Variants in EXPH5 observed in about 807,000 individuals in gnomAD.
EXPH5 encodes exophilin 5.
Under a neutral mutation model 41.1 loss-of-function variants are expected in EXPH5, and 42 were observed. The observed-to-expected ratio is 1.02, with a 90% CI of 0.80 to 1.32. The LOEUF is 1.32. EXPH5 is among the 40% of genes most tolerant of loss of function. The pLI, the probability that EXPH5 is intolerant of heterozygous loss-of-function variation, is 0.00. For synonymous variants in EXPH5, 798 were observed against 833.5 expected, an observed-to-expected ratio of 0.96 and a Z score of 0.73; for missense variants, 2,298 against 2,314.5, an observed-to-expected ratio of 0.99 and a Z score of 0.15.
chr11:108,540,187 G>T (rs2093904938), intron 2 of EXPH5, among the ~76,000 whole-genome samples: 1 of 152,082 alleles, frequency 6.6e-6, no homozygotes. Context: ...GCCAGGTGTG[G>T]TGGCGCACGC....
At chr11:108,573,028 T>C (rs2094065986) in intron 1 of EXPH5, among the ~76,000 whole-genome samples, 1 of 146,532 alleles carries the variant, frequency 6.8e-6, no homozygotes, top group African/African-American at 2.5e-5. Flanking sequence ...CCAGTCTGAA[T>C]AATATAGAGA....
chr11:108,515,878 C>T (rs1436297526), intron 5 of EXPH5, among the ~76,000 whole-genome samples: 1 of 152,066 alleles, frequency 6.6e-6, no homozygotes, highest in East Asian at 1.9e-4. Flanking sequence ...TGAGACCATC[C>T]TGGCTAACAT....
intron 4 of EXPH5, among the ~76,000 whole-genome samples, chr11:108,522,438 C>T (rs533022577): frequency 6.6e-6 from 1 of 152,276 alleles, no homozygotes; most frequent in East Asian, 1.9e-4. Context: ...ATTATCCCTA[C>T]TTTGAGAAAA....
intron 1 of EXPH5, among the ~76,000 whole-genome samples, chr11:108,586,660 C>T (rs79212460): frequency 3.4e-4 from 42 of 123,370 alleles, no homozygotes; most frequent in African/African-American, 1.4e-3. Context: ...TCCCCCATCC[C>T]CTTTCCTCCC....
the EXPH5 span, among the ~76,000 whole-genome samples, chr11:108,604,151 G>T: frequency 3.3e-5 from 5 of 151,214 alleles, no homozygotes; most frequent in Non-Finnish European, 7.4e-5. Context: ...TAATCTTTGA[G>T]AGGCTCAGGT....
At chr11:108,571,941 G>C (rs568905886) in intron 1 of EXPH5, among the ~76,000 whole-genome samples, 19 of 151,920 alleles carry the variant, frequency 1.3e-4, no homozygotes, top group Non-Finnish European at 2.1e-4. Context: ...CCAGCTACTC[G>C]GAGAGGCTGA....
chr11:108,571,032 G>A (rs981378724), intron 1 of EXPH5, among the ~76,000 whole-genome samples: 1 of 152,192 alleles, frequency 6.6e-6, no homozygotes, highest in African/African-American at 2.4e-5. Context: ...GGTGTTATAA[G>A]CTGACACATG....
Position 108,554,063 on chromosome 11 carries a change from C to CT in EXPH5, c.120-12252dup, listed in dbSNP as rs34487456. On this transcript the variant is annotated intron_variant, in intron 1 of 5. Transcript: ENST00000265843. ...TCCTGGGATGAATGTGGCCCCTGAC[C>CT]TTTTTTTTTTTTTTTTTGGTGACAG... 6.6e-3 allele frequency among the ~76,000 whole-genome samples: 919 copies of CT among 139,126 alleles called. 10 individuals are homozygous for CT. The highest frequency in any genetic ancestry group is 0.011 in the South Asian group (47 of 4,362). The allele number at this position is 139,126 out of a possible 152,430, so 91.3% of individuals were successfully genotyped here. A position where few individuals can be genotyped will look rare whatever the true frequency, so the allele number is the denominator to read the frequency against.
chr11:108,571,622 G>T (rs2094060385), intron 1 of EXPH5, among the ~76,000 whole-genome samples: 1 of 152,124 alleles, frequency 6.6e-6, no homozygotes, highest in Non-Finnish European at 1.5e-5. Flanking sequence ...GCTCCCAAGG[G>T]CAAACTCGAG....
chr11:108,558,490 C>T (rs1352051410), intron 1 of EXPH5, among the ~76,000 whole-genome samples: 1 of 152,202 alleles, frequency 6.6e-6, no homozygotes, highest in African/African-American at 2.4e-5. Flanking sequence ...GCTCAGATCT[C>T]ATGGTTTCTA....
At chr11:108,562,513 G>A (rs951145482) in intron 1 of EXPH5, among the ~76,000 whole-genome samples, 2 of 152,066 alleles carry the variant, frequency 1.3e-5, no homozygotes, top group Non-Finnish European at 2.9e-5. Flanking sequence ...AGAGGCTGAG[G>A]TGGAAGAATT....
chr11:108,518,011 T>C (rs1259945039), intron 5 of EXPH5, among the ~76,000 whole-genome samples: 1 of 152,216 alleles, frequency 6.6e-6, no homozygotes, highest in Admixed American at 6.5e-5. Context: ...CATATATTTA[T>C]CAGTCCATGA....
chr11:108,604,494 C>A, the EXPH5 span, among the ~76,000 whole-genome samples: 1 of 152,114 alleles, frequency 6.6e-6, no homozygotes, highest in African/African-American at 2.4e-5. Flanking sequence ...CCCTACTCAG[C>A]CTCTTGGTAA....
At chr11:108,570,512 C>G (rs2094055544) in intron 1 of EXPH5, among the ~76,000 whole-genome samples, 1 of 152,068 alleles carries the variant, frequency 6.6e-6, no homozygotes, top group Non-Finnish European at 1.5e-5. Context: ...GCCTCAGCCT[C>G]CTAAAGTGCT....
chr11:108,583,479 G>T (rs563536814), intron 1 of EXPH5, among the ~76,000 whole-genome samples: 2 of 151,758 alleles, frequency 1.3e-5, no homozygotes, highest in African/African-American at 4.8e-5. Flanking sequence ...TAAAATTCAA[G>T]ATATGTTCAA....
Position 108,510,175 on chromosome 11 carries a change from T to C in EXPH5, c.5332A>G (p.Arg1778Gly). ...SPLASFLQQQRSASSLEWEPE... is the reference protein window; with the variant it reads ...SPLASFLQQQGSASSLEWEPE... Reference sequence around the variant, plus strand: ...TCCCACTCCAGAGATGAAGCACTCCTTTGTTGCTGCAGAAAACTGGCCAGT... The same window carrying C: ...TCCCACTCCAGAGATGAAGCACTCCCTTGTTGCTGCAGAAAACTGGCCAGT... Residue 1778 changes from arginine (R) to glycine (G), a missense_variant, in exon 6 of 6, where the codon AGG (arginine) becomes GGG (glycine). Transcript: ENST00000265843. 1.9e-6 allele frequency: 3 copies of C among 1,614,086 alleles called. No homozygotes were observed. Among genetic ancestry groups the C allele is most frequent in the Non-Finnish European group, 2.5e-6 (3 of 1,180,014 alleles).
intron 1 of EXPH5, among the ~76,000 whole-genome samples, chr11:108,561,044 G>A (rs150943240): frequency 0.017 from 2,640 of 152,224 alleles, 28 homozygotes; most frequent in Middle Eastern, 0.054. Context: ...AACTAACATT[G>A]GAGGACATTA....
At chr11:108,521,125 T>C (rs572802871) in intron 4 of EXPH5, among the ~76,000 whole-genome samples, 52 of 152,286 alleles carry the variant, frequency 3.4e-4, no homozygotes, top group Non-Finnish European at 6.0e-4. Context: ...TACCCAGTCC[T>C]TGCCTCTTGA....
chr11:108,514,388 C>T lies in EXPH5; in HGVS notation c.1119G>A (p.Trp373Ter). The change falls in exon 6 of 6, where the codon TGG becomes TGA. Residue 373 changes from tryptophan to a stop codon, truncating the protein, a stop_gained. Coordinates refer to ENST00000265843, the MANE Select transcript of EXPH5 (RefSeq NM_015065.3). LOFTEE classifies it low-confidence loss of function (END_TRUNC). ...PKRTPLSSII[W>*]NRSDSSRDRE... ...TGTCTCTAGAGGAATCTGATCTGTT[C>T]CATATGATGGATGATAAAGGAGTTC... 6.2e-7 allele frequency: 1 copy of T among 1,614,098 alleles called. No individual in the cohort carries two copies. The highest frequency in any genetic ancestry group is 1.7e-5 in the Admixed American group (1 of 60,028).
Sources: gnomAD v4.1 joint callset for allele counts (sites outside exome capture counted in the v4.1 genomes callset) on GRCh38, gnomAD v4.1.1 for gene constraint, MANE v1.5 for transcripts, NCBI Gene and HGNC (gene_info 2026-07-23, HGNC 2026-07-21) for gene names.